Variants in UBOX5 observed in about 807,000 individuals in gnomAD.
UBOX5 encodes RING finger protein 37.
In UBOX5, 28 loss-of-function variants were observed where a neutral mutation model predicts 39.0. The observed-to-expected ratio is 0.72, with a 90% CI of 0.53 to 0.98. The LOEUF (loss-of-function observed/expected upper bound fraction) is 0.98, where lower values mean the gene tolerates loss of function less well. Among genes scored for constraint, UBOX5 ranks in the 50% least tolerant of loss-of-function variants. The probability of loss-of-function intolerance (pLI) is 0.00; values close to 1 mark genes in which losing one functional copy is unlikely to be tolerated. For missense variants in UBOX5, 585 were observed against 674.4 expected, an observed-to-expected ratio of 0.87 and a Z score of 1.47; for synonymous variants, 283 against 275.5, an observed-to-expected ratio of 1.03 and a Z score of -0.27.
At chr20:3,135,871 T>C (rs932511276) in intron 1 of UBOX5, 14 of 152,190 alleles carry the variant, frequency 9.2e-5, no homozygotes, top group African/African-American at 3.4e-4. Flanking sequence ...TATGAAGTTC[T>C]AGTATAGCTA....
chr20:3,144,132 T>A (rs1031285309), intron 1 of UBOX5, among the ~76,000 whole-genome samples: 1 of 152,202 alleles, frequency 6.6e-6, no homozygotes, highest in East Asian at 1.9e-4. Flanking sequence ...GATTCAATAC[T>A]GTCCCTATCA....
chr20:3,126,322 G>C (rs1378155767), intron 1 of UBOX5, among the ~76,000 whole-genome samples: 6 of 152,008 alleles, frequency 3.9e-5, no homozygotes, highest in Non-Finnish European at 8.8e-5. Context: ...TGCTCGTTAA[G>C]AGTCATCACC....
In UBOX5 at chr20:3,109,576, CACAG is replaced by C. The variant is rs923085719; in HGVS notation, c.*526_*529del. ...GCAGGTGGGCGACAGGAGTGTGTGA[CACAG>C]ACAGGCACTCCACCAGGAGGAAACC... On this transcript the variant is annotated 3_prime_UTR_variant, in exon 5 of 5. Transcript: ENST00000217173. The C allele has an allele frequency of 5.9e-6, 1 of 169,720 alleles. No individual in the cohort carries two copies. The highest frequency in any genetic ancestry group is 1.3e-5 in the Non-Finnish European group (1 of 77,240). 10.5% of individuals were successfully genotyped at this position (169,720 alleles called of 1,614,324 possible). A position where few individuals can be genotyped will look rare whatever the true frequency, so the allele number is the denominator to read the frequency against.
In UBOX5 at chr20:3,125,106, C is replaced by T. The variant is rs181383492; in HGVS notation, c.-41-1700G>A. ...CTGGGAAGTGGGGAGTGCCTCTGCC[C>T]GGCCGCCCCGTCTGGAGGTGAGGAG... On this transcript the variant is annotated intron_variant, in intron 1 of 4. Coordinates refer to ENST00000217173, the MANE Select transcript of UBOX5 (RefSeq NM_014948.4). Among the ~76,000 whole-genome samples, 623 of 147,326 alleles carry T rather than the reference C, an allele frequency of 4.2e-3. 5 individuals are homozygous for T. Among genetic ancestry groups the T allele is most frequent in the African/African-American group, 0.015 (580 of 39,538 alleles).
intron 4 of UBOX5, among the ~76,000 whole-genome samples, chr20:3,113,922 T>TC (rs1465515430): frequency 6.6e-6 from 1 of 151,952 alleles, no homozygotes; most frequent in East Asian, 1.9e-4. Context: ...TCACCTGAGG[T>TC]CAGGAGTTCA....
At chr20:3,112,424 G>C (rs2066260626) in intron 4 of UBOX5, among the ~76,000 whole-genome samples, 1 of 136,460 alleles carries the variant, frequency 7.3e-6, no homozygotes. Flanking sequence ...CAGTTTCAGT[G>C]ACAGAAAAAA....
rs2066238543 is a variant in UBOX5 at position 3,109,784 on chromosome 20, G to C, written c.*322C>G. 2.6e-6 allele frequency: 1 copy of C among 391,702 alleles called. No individual in the cohort carries two copies. Among genetic ancestry groups the C allele is most frequent in the Non-Finnish European group, 4.8e-6 (1 of 207,716 alleles). 24.3% of individuals were successfully genotyped at this position (391,702 alleles called of 1,614,324 possible). A position where few individuals can be genotyped will look rare whatever the true frequency, so the allele number is the denominator to read the frequency against. Reference sequence around the variant, plus strand: ...CCCACAGTGCCCTGCTGGACAGGGGGGTATGCGGACTGCACGGGGGGGCCC... The same window carrying C: ...CCCACAGTGCCCTGCTGGACAGGGGCGTATGCGGACTGCACGGGGGGGCCC... On this transcript the variant is annotated 3_prime_UTR_variant, in exon 5 of 5. Transcript: ENST00000217173.
intron 3 of UBOX5, among the ~76,000 whole-genome samples, chr20:3,119,315 CAAT>C (rs1258221415): frequency 6.6e-6 from 1 of 152,170 alleles, no homozygotes; most frequent in Non-Finnish European, 1.5e-5. Context: ...AATCTTGCAA[CAAT>C]GATGTGGGTG....
rs181260382 is a variant in UBOX5, at chr20:3,120,456, A to G, written c.1255+928T>C. ...AAGGTCAGGAGATTGAGACCATCCT[A>G]GCTAACAAGGTGAAACCCCGTCTTT... is the stretch of plus-strand genomic sequence containing the variant. On this transcript the variant is annotated intron_variant, in intron 3 of 4. Transcript: ENST00000217173. 3.2e-3 allele frequency among the ~76,000 whole-genome samples: 476 copies of G among 151,096 alleles called. 4 individuals carry two copies. Among genetic ancestry groups the G allele is most frequent in the Admixed American group, 5.0e-3 (76 of 15,172 alleles).
In UBOX5 at chr20:3,149,163, C is replaced by T; in HGVS notation, c.-42+10603G>A. 1.4e-6 allele frequency: 2 copies of T among 1,413,144 alleles called. No individual in the cohort carries two copies. Among genetic ancestry groups the T allele is most frequent in the Non-Finnish European group, 1.9e-6 (2 of 1,044,170 alleles). The allele number at this position is 1,413,144 out of a possible 1,614,324, so 87.5% of individuals were successfully genotyped here. On this transcript the variant is annotated intron_variant, in intron 1 of 4. Transcript: ENST00000217173. The surrounding 1 kb of genome is among the most constrained non-coding windows in gnomAD (Gnocchi z 4.1). Reference sequence around the variant, plus strand: ...TTGTTTATATGGTGCTTGATTAGAGCTGGACGGGGAGGTGTTCCACAAAAA... The same window carrying T: ...TTGTTTATATGGTGCTTGATTAGAGTTGGACGGGGAGGTGTTCCACAAAAA...
rs148731933 is a variant in UBOX5, at chr20:3,121,990, G to T, written c.649C>A (p.Leu217Met). ...GCCTGCAGAGCCACATCCTGAGGCA[G>T]GTTCTCTGAGGTGACCAGCAGGATG... The part of the protein sequence containing the change: ...DSILLVTSEN[L>M]PQDVALQAPA... The change falls in exon 3 of 5, where the codon CTG becomes ATG. Residue 217 changes from leucine (L) to methionine (M), a missense_variant. Coordinates refer to ENST00000217173, the MANE Select transcript of UBOX5 (RefSeq NM_014948.4). The T allele has an allele frequency of 6.2e-7, 1 of 1,614,054 alleles. No homozygotes were observed. The highest frequency in any genetic ancestry group is 1.3e-5 in the African/African-American group (1 of 74,942).
chr20:3,133,533 T>C (rs1368388227), intron 1 of UBOX5, among the ~76,000 whole-genome samples: 2 of 152,036 alleles, frequency 1.3e-5, no homozygotes, highest in Non-Finnish European at 2.9e-5. Context: ...AATAATGGCA[T>C]TGTAAGATGG....
chr20:3,150,987 A>G (rs948423467), intron 1 of UBOX5: 2 of 152,014 alleles, frequency 1.3e-5, no homozygotes, highest in Non-Finnish European at 2.9e-5. Flanking sequence ...CAATCCTCCC[A>G]CTTCAGCCTC....
intron 1 of UBOX5, among the ~76,000 whole-genome samples, chr20:3,155,851 C>G (rs11697241): frequency 3.0e-4 from 45 of 152,150 alleles, no homozygotes; most frequent in Non-Finnish European, 5.1e-4. Flanking sequence ...AAATGGTAAA[C>G]AGTGGCTACT....
At chr20:3,114,960 A>G (rs1013337284) in intron 4 of UBOX5, among the ~76,000 whole-genome samples, 1 of 152,226 alleles carries the variant, frequency 6.6e-6, no homozygotes, top group Non-Finnish European at 1.5e-5. Flanking sequence ...ATAAATAAAT[A>G]AATAACAAAC....
intron 1 of UBOX5, among the ~76,000 whole-genome samples, chr20:3,126,508 T>C (rs1049134063): frequency 2.3e-5 from 1 of 44,064 alleles, no homozygotes; most frequent in Admixed American, 2.2e-4. Flanking sequence ...GATCAATAAA[T>C]ACTAAAAAAA....
intron 1 of UBOX5, among the ~76,000 whole-genome samples, chr20:3,142,699 G>C (rs115107597): frequency 1.7e-3 from 252 of 150,372 alleles, no homozygotes; most frequent in African/African-American, 5.9e-3. Context: ...CTTGTACCTG[G>C]GTGGCAGAAG....
At chr20:3,155,169 G>A (rs564121697) in intron 1 of UBOX5, among the ~76,000 whole-genome samples, 21 of 152,182 alleles carry the variant, frequency 1.4e-4, no homozygotes, top group Non-Finnish European at 1.8e-4. Context: ...TGAGGTGGGC[G>A]GATTGCTTTA....
chr20:3,110,517 G>A, intron 4 of UBOX5: 1 of 608,148 alleles, frequency 1.6e-6, no homozygotes, highest in Admixed American at 2.9e-5. Flanking sequence ...TATCATCTTT[G>A]ACCAAATCTC....
Sources: allele counts gnomAD v4.1 joint callset (sites outside exome capture counted in the v4.1 genomes callset), GRCh38; gene constraint gnomAD v4.1.1; non-coding constraint Gnocchi (gnomAD v3.1); transcripts MANE v1.5; gene names NCBI Gene and HGNC (gene_info 2026-07-23, HGNC 2026-07-21).